Variants in ASPRV1 observed in about 807,000 individuals in gnomAD.
The protein encoded by ASPRV1 is aspartic peptidase retroviral like 1.
In ASPRV1, 7 loss-of-function variants were observed where a neutral mutation model predicts 11.0. That is an observed-to-expected ratio of 0.64 (90% CI 0.36 to 1.20). ASPRV1 has a LOEUF of 1.20. ASPRV1 is among the 50% of genes most tolerant of loss of function. The pLI is 0.02. For synonymous variants in ASPRV1, 136 were observed against 138.4 expected (o/e 0.98, Z 0.12); for missense variants, 299 against 320.0 (o/e 0.93, Z 0.50).
the ASPRV1 span, among the ~76,000 whole-genome samples, chr2:70,040,137 T>C: frequency 1.3e-5 from 2 of 152,150 alleles, no homozygotes; most frequent in Non-Finnish European, 2.9e-5. Context: ...AGGATGATGG[T>C]ATTAAAGTAC....
the ASPRV1 span, among the ~76,000 whole-genome samples, chr2:69,997,300 T>C: frequency 1.3e-5 from 2 of 151,658 alleles, no homozygotes; most frequent in Non-Finnish European, 2.9e-5. Context: ...GCTTTATCCA[T>C]CTCCTCCGCA....
Position 69,960,603 on chromosome 2 carries a change from C to CAA in ASPRV1, c.*53_*54insTT. 6.5e-7 allele frequency: 1 copy of CAA among 1,531,694 alleles called. No individual in the cohort carries two copies. The highest frequency in any genetic ancestry group is 1.4e-5 in the African/African-American group (1 of 72,862). The allele number at this position is 1,531,694 out of a possible 1,614,324, so 94.9% of individuals were successfully genotyped here. ...CCCCATGAGGATATGCAACCCCCCC[C>CAA]ACAGCGGTGGGTCTTCCCACCAATA... is the stretch of plus-strand genomic sequence containing the variant. On this transcript the variant is annotated 3_prime_UTR_variant, in exon 1 of 1. Transcript: ENST00000320256.
chr2:69,961,672 G>A, upstream of ASPRV1: 3 of 1,545,094 alleles, frequency 1.9e-6, no homozygotes, highest in African/African-American at 1.4e-5. Context: ...GCCTAGGCTG[G>A]CCCCTGGGCT....
chr2:70,001,966 A>C, the ASPRV1 span, among the ~76,000 whole-genome samples: 1 of 152,248 alleles, frequency 6.6e-6, no homozygotes, highest in African/African-American at 2.4e-5. Flanking sequence ...AAAGCGAGTC[A>C]TAGAACAGAC....
At chr2:70,044,515 A>G in the ASPRV1 span, among the ~76,000 whole-genome samples, 1 of 152,228 alleles carries the variant, frequency 6.6e-6, no homozygotes, top group Admixed American at 6.5e-5. Flanking sequence ...GCTAGAGTGC[A>G]ATGACACGAT....
At chr2:69,937,143 G>C in the ASPRV1 span, 1 of 1,519,878 alleles carries the variant, frequency 6.6e-7, no homozygotes. Flanking sequence ...AGGAAGTGTG[G>C]CGCATTCCAC....
At chr2:69,995,804 T>C in the ASPRV1 span, among the ~76,000 whole-genome samples, 1 of 152,256 alleles carries the variant, frequency 6.6e-6, no homozygotes, top group Admixed American at 6.5e-5. Flanking sequence ...CGCCTTCTCA[T>C]GCAGGCAGAA....
At chr2:69,939,380 G>C in the ASPRV1 span, 1 of 152,472 alleles carries the variant, frequency 6.6e-6, no homozygotes, top group Non-Finnish European at 1.5e-5. Context: ...GAGGCTTTTG[G>C]GTTGATAGTT....
the ASPRV1 span, among the ~76,000 whole-genome samples, chr2:70,021,043 T>C: frequency 6.6e-6 from 1 of 152,230 alleles, no homozygotes; most frequent in African/African-American, 2.4e-5. Context: ...TAATGGAAGC[T>C]GTATGTCCAC....
At chr2:70,045,380 T>C in the ASPRV1 span, 1 of 152,214 alleles carries the variant, frequency 6.6e-6, no homozygotes, top group Non-Finnish European at 1.5e-5. Context: ...AATTAAATAA[T>C]GTATGAAAGC....
the ASPRV1 span, among the ~76,000 whole-genome samples, chr2:70,064,327 G>T: frequency 2.6e-5 from 4 of 151,920 alleles, no homozygotes; most frequent in Admixed American, 2.6e-4. Flanking sequence ...CCACCTCAAA[G>T]GTCCTTCTAG....
upstream of ASPRV1, among the ~76,000 whole-genome samples, chr2:69,965,448 A>AAAAAAC (rs370106179): frequency 3.3e-5 from 5 of 150,432 alleles, no homozygotes; most frequent in South Asian, 2.1e-4. Flanking sequence ...TGGGCTAAAA[A>AAAAAAC]AAAAACAAAA....
chr2:69,984,883 G>T, the ASPRV1 span, among the ~76,000 whole-genome samples: 2 of 147,304 alleles, frequency 1.4e-5, no homozygotes, highest in African/African-American at 5.1e-5. Flanking sequence ...TTGAGGCAGA[G>T]TCTCGCTCTG....
chr2:70,064,347 A>G, the ASPRV1 span, among the ~76,000 whole-genome samples: 1 of 152,044 alleles, frequency 6.6e-6, no homozygotes, highest in Non-Finnish European at 1.5e-5. Flanking sequence ...GCCACTGCTG[A>G]TAAGCTTTGA....
chr2:70,057,939 G>T, the ASPRV1 span, among the ~76,000 whole-genome samples: 1 of 148,126 alleles, frequency 6.8e-6, no homozygotes, highest in African/African-American at 2.5e-5. Context: ...GACTACAGGC[G>T]CATGCCACCA....
chr2:70,045,219 C>T, the ASPRV1 span: 1 of 152,220 alleles, frequency 6.6e-6, no homozygotes, highest in Admixed American at 6.5e-5. Flanking sequence ...GTGAAAACAG[C>T]ATGGGCTCTG....
the ASPRV1 span, among the ~76,000 whole-genome samples, chr2:69,981,669 G>C: frequency 6.6e-6 from 1 of 152,182 alleles, no homozygotes; most frequent in Non-Finnish European, 1.5e-5. Context: ...CAATTATCCT[G>C]CCTCAGCCTC....
At chr2:70,061,984 A>G in the ASPRV1 span, among the ~76,000 whole-genome samples, 1 of 148,136 alleles carries the variant, frequency 6.8e-6, no homozygotes, top group Non-Finnish European at 1.5e-5. Context: ...AAAAGGAGAA[A>G]ATAGATATCA....
the ASPRV1 span, among the ~76,000 whole-genome samples, chr2:70,068,240 C>G: frequency 2.0e-5 from 3 of 152,220 alleles, no homozygotes; most frequent in African/African-American, 4.8e-5. Context: ...GCAGAAATTT[C>G]AAAGAGCAAA....
Sources: gnomAD v4.1 joint callset for allele counts (sites outside exome capture counted in the v4.1 genomes callset) on GRCh38, gnomAD v4.1.1 for gene constraint, MANE v1.5 for transcripts, NCBI Gene and HGNC (gene_info 2026-07-23, HGNC 2026-07-21) for gene names.